TTLL4: variants seen among roughly 807,000 people sequenced by gnomAD.
TTLL4 encodes tubulin monoglutamylase TTLL4.
In TTLL4, 85 loss-of-function variants were observed where a neutral mutation model predicts 122.7. The ratio of observed to expected loss-of-function variants is 0.69; its 90% CI spans 0.58 to 0.83. The LOEUF is 0.83. TTLL4 is among the 40% of genes least tolerant of loss of function. The pLI is 0.00. For missense variants in TTLL4, 1,363 were observed against 1,488.6 expected, an observed-to-expected ratio of 0.92 and a Z score of 1.39; for synonymous variants, 553 against 563.0, an observed-to-expected ratio of 0.98 and a Z score of 0.25.
chr2:218,753,808 T>C, intron 19 of TTLL4, 139 bp downstream of exon 19: 1 of 936,296 alleles, frequency 1.1e-6, no homozygotes, highest in Non-Finnish European at 1.6e-6. Context: ...CATGCAGCCA[T>C]AGCATCCTTT....
intron 15 of TTLL4, 135 bp from the exon 16 acceptor site, chr2:218,751,569 A>G: frequency 7.4e-7 from 1 of 1,351,026 alleles, no homozygotes; most frequent in South Asian, 1.9e-5. Context: ...CCAACCTACT[A>G]CTCAAGTAAC....
chr2:218,726,065 T>C (rs1483498745), intron 1 of TTLL4, among the ~76,000 whole-genome samples: 2 of 152,218 alleles, frequency 1.3e-5, no homozygotes, highest in African/African-American at 4.8e-5. Flanking sequence ...CCCCTTCAAA[T>C]TGAAGAACTA....
At chr2:218,746,347 G>A (rs1429747740) in intron 8 of TTLL4, 116 bp downstream of exon 8, 5 of 1,156,600 alleles carry the variant, frequency 4.3e-6, no homozygotes, top group African/African-American at 1.5e-5. Context: ...GGAGAAGTCA[G>A]GAAGGTGTAC....
At position 218,738,096 on chromosome 2, in the gene TTLL4, G is replaced by A. The variant is rs3731876; in HGVS notation, c.420G>A (p.Pro140=). 773,640 of 1,613,560 alleles carry A rather than the reference G, an allele frequency of 0.48. 194,453 individuals are homozygous for A. The highest frequency in any genetic ancestry group is 0.83 in the African/African-American group (62,231 of 74,894). Residue 140 remains proline, a synonymous_variant, in exon 3 of 20, where the codon CCG becomes CCA. Coordinates refer to ENST00000392102, the MANE Select transcript of TTLL4 (RefSeq NM_014640.5). ...AGTCTTTCTGCTTGCGTTCGAGCCC[G>A]TCAGAAAAAAGCCCTTTTTCTCTCC... ...QLESFCLRSS[P]SEKSPFSLPQ... is the part of the protein sequence containing the mutation.
In TTLL4 at chr2:218,754,625, T is replaced by A; in HGVS notation, c.*236T>A. 1.6e-6 allele frequency: 1 copy of A among 609,222 alleles called. No individual in the cohort carries two copies. Among genetic ancestry groups the A allele is most frequent in the Non-Finnish European group, 2.8e-6 (1 of 355,136 alleles). The allele number at this position is 609,222 out of a possible 1,614,324, so 37.7% of individuals were successfully genotyped here. Reference sequence around the variant, plus strand: ...GTCACCTGTCTGCCTGGCTGGCACCTCATATCTCAGCAGAGAAGCCAGTGG... The same window carrying A: ...GTCACCTGTCTGCCTGGCTGGCACCACATATCTCAGCAGAGAAGCCAGTGG... On this transcript the variant is annotated 3_prime_UTR_variant, in exon 20 of 20. Transcript: ENST00000392102.
At position 218,747,070 on chromosome 2, in the gene TTLL4, T is replaced by C; in HGVS notation, c.2042T>C (p.Met681Thr). 6.2e-7 allele frequency: 1 copy of C among 1,614,220 alleles called. No homozygotes were observed. Among genetic ancestry groups the C allele is most frequent in the Non-Finnish European group, 8.5e-7 (1 of 1,180,036 alleles). ...KDRLWRNLSR[M>T]QSRFGKKEFS... ...CGGCTATGGCGGAACCTGTCACGTA[T>C]GCAGAGCCGCTTTGGCAAGAAGGAG... The change falls in exon 9 of 20, where the codon ATG (methionine) becomes ACG (threonine). Residue 681 changes from methionine to threonine, a missense_variant. This residue lies in a region of TTLL4 where 596 missense variants were observed against 655.8 expected (regional missense o/e 0.91). Transcript: ENST00000392102. This position sits in a 1 kb window ranked among gnomAD's most constrained non-coding sequence, Gnocchi z 4.7.
chr2:218,750,027 A>G lies in TTLL4; in HGVS notation c.2754A>G (p.Pro918=), dbSNP rs767797075. The part of the protein sequence containing the change: ...NISPSLHSSS[P]LDISIKGQMI... ...TCTGAAGCCTCCACTCCAGCTCTCC[A>G]CTGGATATCAGCATCAAAGGCCAGA... The change falls in exon 15 of 20, where the codon CCA becomes CCG. Residue 918 remains proline (P), a synonymous_variant. Transcript: ENST00000392102. 4 of 1,613,928 alleles carry G rather than the reference A, an allele frequency of 2.5e-6. No homozygotes were observed. The highest frequency in any genetic ancestry group is 3.4e-6 in the Non-Finnish European group (4 of 1,179,968).
At chr2:218,750,287 C>T in intron 15 of TTLL4, 141 bp downstream of exon 15, 1 of 1,174,412 alleles carries the variant, frequency 8.5e-7, no homozygotes, top group South Asian at 1.6e-5. Flanking sequence ...CACTAACATG[C>T]TACCATGCCA....
intron 2 of TTLL4, among the ~76,000 whole-genome samples, chr2:218,732,354 C>G (rs1319701586): frequency 6.6e-6 from 1 of 152,146 alleles, no homozygotes; most frequent in Admixed American, 6.5e-5. Flanking sequence ...TAAAATACTT[C>G]CTGGGAGATG....
At position 218,738,441 on chromosome 2, in the gene TTLL4, A is replaced by G. The variant is rs1418623811; in HGVS notation, c.765A>G (p.Ser255=). The G allele has an allele frequency of 1.9e-6, 3 of 1,614,152 alleles. No individual in the cohort carries two copies. The highest frequency in any genetic ancestry group is 2.2e-5 in the East Asian group (1 of 44,876). ...PKIQPVSWHH[S]GGTGDCAPQP... ...TCCAGCCTGTCTCCTGGCATCATTC[A>G]GGGGGTACTGGAGACTGTGCACCGC... Residue 255 remains serine (S), a synonymous_variant, in exon 3 of 20, where the codon TCA becomes TCG. Coordinates refer to ENST00000392102, the MANE Select transcript of TTLL4 (RefSeq NM_014640.5).
chr2:218,726,580 C>T (rs1057014956), intron 1 of TTLL4, among the ~76,000 whole-genome samples: 1 of 151,608 alleles, frequency 6.6e-6, no homozygotes, highest in Non-Finnish European at 1.5e-5. Flanking sequence ...ATTCTTATGC[C>T]TCAGCCTCAT....
At chr2:218,729,747 T>TA (rs1559361797) in intron 2 of TTLL4, among the ~76,000 whole-genome samples, 28 of 93,606 alleles carry the variant, frequency 3.0e-4, no homozygotes, top group African/African-American at 1.3e-3. Flanking sequence ...CTCTCTCTTT[T>TA]TAAAAAAAAA....
intron 1 of TTLL4, among the ~76,000 whole-genome samples, chr2:218,719,978 C>G (rs1008574437): frequency 6.6e-6 from 1 of 152,162 alleles, no homozygotes; most frequent in Admixed American, 6.5e-5. Context: ...GACAGAGTGT[C>G]TTAAATTTCA....
At position 218,710,951 on chromosome 2, in the gene TTLL4, C is replaced by A. The variant is rs1306865899; in HGVS notation, c.-264C>A. The A allele has an allele frequency of 6.5e-6, 1 of 152,696 alleles. No individual in the cohort carries two copies. The highest frequency in any genetic ancestry group is 1.5e-5 in the Non-Finnish European group (1 of 68,434). The allele number at this position is 152,696 out of a possible 1,614,324, so 9.5% of individuals were successfully genotyped here. ...CGTGGCGGTGCGTGGTTGCTAGGGG[C>A]GCCTGAGGCTGCCGGGTAGCCCAGC... On this transcript the variant is annotated 5_prime_UTR_variant, in exon 1 of 20. Coordinates refer to ENST00000392102, the MANE Select transcript of TTLL4 (RefSeq NM_014640.5).
chr2:218,745,624 T>G lies in TTLL4; in HGVS notation c.1787-67T>G, dbSNP rs1575178924. 3.7e-6 allele frequency: 4 copies of G among 1,089,390 alleles called. No homozygotes were observed. In the East Asian group the frequency reaches 1.0e-4, roughly 28 times the overall value. The allele number at this position is 1,089,390 out of a possible 1,614,324, so 67.5% of individuals were successfully genotyped here. On this transcript the variant is annotated intron_variant, in intron 6 of 19. Coordinates refer to ENST00000392102, the MANE Select transcript of TTLL4 (RefSeq NM_014640.5). ...GAATGGGCAGCCATGCCATCTTTTT[T>G]GTCTTCTCATCATGACTCTCTGCTC... is the stretch of plus-strand genomic sequence containing the variant.
chr2:218,754,371 C>G lies in TTLL4; in HGVS notation c.3582C>G (p.Leu1194=). Reference sequence around the variant, plus strand: ...CTTTCCAGTCAATCAGTGACTCCCTCCTGGCTGTGAGCCCATAACTGGCCT... The same window carrying G: ...CTTTCCAGTCAATCAGTGACTCCCTGCTGGCTGTGAGCCCATAACTGGCCT... ...SSTFQSISDS[L]LAVSP The change falls in exon 20 of 20, where the codon CTC becomes CTG. Residue 1194 remains leucine, a synonymous_variant. Transcript: ENST00000392102. 6.2e-7 allele frequency: 1 copy of G among 1,614,224 alleles called. No individual in the cohort carries two copies. The highest frequency in any genetic ancestry group is 8.5e-7 in the Non-Finnish European group (1 of 1,180,040).
At chr2:218,715,638 T>C (rs1941835718) in intron 1 of TTLL4, among the ~76,000 whole-genome samples, 2 of 152,262 alleles carry the variant, frequency 1.3e-5, no homozygotes, top group East Asian at 1.9e-4. Flanking sequence ...ATCTTTTTTT[T>C]TTTCTTTCTT....
At chr2:218,745,993 C>A in intron 7 of TTLL4, 162 bp from the exon 8 acceptor site, 1 of 892,034 alleles carries the variant, frequency 1.1e-6, no homozygotes, top group Non-Finnish European at 1.8e-6. Context: ...AGACAGAGGG[C>A]CATTGTTCTG....
In TTLL4 at chr2:218,754,179, G is replaced by T; in HGVS notation, c.3390G>T (p.Gly1130=). 1 of 1,614,114 alleles carries T rather than the reference G, an allele frequency of 6.2e-7. No individual in the cohort carries two copies. Among genetic ancestry groups the T allele is most frequent in the Non-Finnish European group, 8.5e-7 (1 of 1,180,030 alleles). ...CEVSLLLSED[G]TTPKSKKTQA... Reference sequence around the variant, plus strand: ...TTAGCCTACTACTCTCTGAAGACGGGACCACGCCCAAATCCAAGAAGACTC... The same window carrying T: ...TTAGCCTACTACTCTCTGAAGACGGTACCACGCCCAAATCCAAGAAGACTC... Residue 1130 remains glycine, a synonymous_variant, in exon 20 of 20, where the codon GGG becomes GGT. Transcript: ENST00000392102.
Sources: allele counts gnomAD v4.1 joint callset (sites outside exome capture counted in the v4.1 genomes callset), GRCh38; gene constraint gnomAD v4.1.1; regional missense constraint gnomAD v4.1.1; non-coding constraint Gnocchi (gnomAD v3.1); transcripts MANE v1.5; gene names NCBI Gene and HGNC (gene_info 2026-07-23, HGNC 2026-07-21).